SYNPO: variants seen among roughly 807,000 people sequenced by gnomAD.
SYNPO encodes the protein synaptopodin.
In SYNPO, 19 loss-of-function variants were observed where a neutral mutation model predicts 49.5. That is an observed-to-expected ratio of 0.38 (90% CI 0.27 to 0.56). The LOEUF (loss-of-function observed/expected upper bound fraction) is 0.56, where lower values mean the gene tolerates loss of function less well. Ranked by LOEUF, SYNPO falls within the 20% of genes least tolerant of loss-of-function variation. The pLI is 0.68. For missense variants in SYNPO, 1,131 were observed against 1,248.3 expected (o/e 0.91, Z 1.42); for synonymous variants, 536 against 548.0 (o/e 0.98, Z 0.31).
At chr5:150,633,001 C>T (rs1438727794) in intron 2 of SYNPO, among the ~76,000 whole-genome samples, 1 of 152,162 alleles carries the variant, frequency 6.6e-6, no homozygotes, top group African/African-American at 2.4e-5. Flanking sequence ...CCCTACCCCT[C>T]GACCTGGGAA....
chr5:150,618,646 G>C, exon 2 of SYNPO: 1 of 1,551,358 alleles, frequency 6.4e-7, no homozygotes, highest in Non-Finnish European at 8.7e-7. Flanking sequence ...GCTCCAGAGA[G>C]GAACAAGGGG....
chr5:150,609,603 AT>A (rs1200820387), intron 1 of SYNPO, among the ~76,000 whole-genome samples: 1 of 152,210 alleles, frequency 6.6e-6, no homozygotes, highest in African/African-American at 2.4e-5. Context: ...CTGGTTAGGC[AT>A]TTTCTGAATT....
intron 1 of SYNPO, among the ~76,000 whole-genome samples, chr5:150,607,664 C>T (rs1357405057): frequency 1.3e-5 from 2 of 152,100 alleles, no homozygotes; most frequent in Non-Finnish European, 2.9e-5. Context: ...GAATGCAGTG[C>T]TGGAGTATGG....
At chr5:150,594,587 A>G in the SYNPO span, among the ~76,000 whole-genome samples, 1 of 152,148 alleles carries the variant, frequency 6.6e-6, no homozygotes, top group Non-Finnish European at 1.5e-5. Context: ...AGTTTCCCCA[A>G]CTGTAAGAAG....
chr5:150,626,634 C>G (rs1201490497), intron 2 of SYNPO, among the ~76,000 whole-genome samples: 1 of 152,198 alleles, frequency 6.6e-6, no homozygotes, highest in Non-Finnish European at 1.5e-5. Flanking sequence ...TATCTACTCC[C>G]CATCCCTTAA....
chr5:150,588,032 G>T, the SYNPO span, among the ~76,000 whole-genome samples: 1 of 152,216 alleles, frequency 6.6e-6, no homozygotes, highest in Non-Finnish European at 1.5e-5. Flanking sequence ...ATGAACGCCA[G>T]GCCCCTAGGG....
upstream of SYNPO, among the ~76,000 whole-genome samples, chr5:150,636,990 A>G (rs1428202487): frequency 2.4e-4 from 37 of 152,222 alleles, no homozygotes; most frequent in Admixed American, 2.4e-3. Flanking sequence ...ACAGTGCTTT[A>G]TACTTTAGAA....
At chr5:150,602,997 G>GGGGTGTGTGT (rs1554106602) in intron 1 of SYNPO, among the ~76,000 whole-genome samples, 29 of 131,250 alleles carry the variant, frequency 2.2e-4, no homozygotes, top group African/African-American at 8.3e-4. Context: ...GCCACCTTAG[G>GGGGTGTGTGT]GTGTGTGTGT....
chr5:150,647,639 C>T (rs142521936), intron 1 of SYNPO, among the ~76,000 whole-genome samples: 2 of 152,142 alleles, frequency 1.3e-5, no homozygotes, highest in Non-Finnish European at 1.5e-5. Flanking sequence ...GTGAGGTGTT[C>T]GTACTCAGTT....
chr5:150,628,198 G>T (rs1757426496), intron 2 of SYNPO, among the ~76,000 whole-genome samples: 2 of 152,162 alleles, frequency 1.3e-5, no homozygotes. Context: ...CCTCTGTTTG[G>T]AATGAAATCT....
chr5:150,652,013 G>A lies in SYNPO; in HGVS notation c.2028+1710G>A, dbSNP rs139179350. 4.5e-5 allele frequency: 45 copies of A among 1,000,558 alleles called. No homozygotes were observed. In the African/African-American group the frequency reaches 7.5e-4, roughly 17 times the overall value. The allele number at this position is 1,000,558 out of a possible 1,614,324, so 62.0% of individuals were successfully genotyped here. On this transcript the variant is annotated intron_variant, in intron 2 of 2. Coordinates refer to ENST00000307662, the MANE Select transcript of SYNPO (RefSeq NM_007286.6). ...TGGGTTCCCCAGTGGGGCAAGGGGT[G>A]GTGGAGGCAGTGCCCATGCTGGGCT...
At chr5:150,646,669 G>A (rs1758103958) in intron 1 of SYNPO, among the ~76,000 whole-genome samples, 1 of 152,050 alleles carries the variant, frequency 6.6e-6, no homozygotes, top group African/African-American at 2.4e-5. Flanking sequence ...AGGCTGCAAT[G>A]AGCTGAGATC....
At chr5:150,600,049 G>A (rs993047699), upstream of SYNPO, among the ~76,000 whole-genome samples, 5 of 152,182 alleles carry the variant, frequency 3.3e-5, no homozygotes, top group Admixed American at 2.6e-4. Context: ...CAGAAGAGCC[G>A]GGGTCGATTT....
chr5:150,641,296 C>T (rs1405567973), intron 1 of SYNPO, among the ~76,000 whole-genome samples: 1 of 152,198 alleles, frequency 6.6e-6, no homozygotes, highest in Non-Finnish European at 1.5e-5. Flanking sequence ...GTGCAGTGGC[C>T]AGTCATTGGT....
At chr5:150,613,668 C>T (rs1227925184) in intron 1 of SYNPO, among the ~76,000 whole-genome samples, 1 of 152,172 alleles carries the variant, frequency 6.6e-6, no homozygotes, top group African/African-American at 2.4e-5. Context: ...GTGGGGAGGT[C>T]AGGTAGAGAG....
chr5:150,650,755 C>G (rs1478060742), intron 2 of SYNPO: 2 of 1,299,744 alleles, frequency 1.5e-6, no homozygotes, highest in Admixed American at 7.3e-5. Context: ...GTCAGCCAGC[C>G]GAGGGTCTGC....
chr5:150,609,218 A>G (rs751734305), intron 1 of SYNPO, among the ~76,000 whole-genome samples: 1 of 152,230 alleles, frequency 6.6e-6, no homozygotes, highest in Non-Finnish European at 1.5e-5. Flanking sequence ...GCTTCAGCAC[A>G]CAGCTGGGCC....
At chr5:150,616,433 G>C (rs1258407360) in intron 1 of SYNPO, among the ~76,000 whole-genome samples, 1 of 152,212 alleles carries the variant, frequency 6.6e-6, no homozygotes, top group Non-Finnish European at 1.5e-5. Context: ...CTTTAAGCAA[G>C]ATCCCTTGAT....
At chr5:150,653,041 A>T (rs1758443868) in intron 2 of SYNPO, 1 of 152,158 alleles carries the variant, frequency 6.6e-6, no homozygotes, top group African/African-American at 2.4e-5. Flanking sequence ...TTATGTATTC[A>T]CCCCACACAT....
Sources: gnomAD v4.1 joint callset for allele counts (sites outside exome capture counted in the v4.1 genomes callset) on GRCh38, gnomAD v4.1.1 for gene constraint, MANE v1.5 for transcripts, NCBI Gene and HGNC (gene_info 2026-07-23, HGNC 2026-07-21) for gene names.